KIAA0586: variants seen among roughly 807,000 people sequenced by gnomAD.
KIAA0586 encodes protein TALPID3.
In KIAA0586, 144 loss-of-function variants were observed where a neutral mutation model predicts 169.8. The ratio of observed to expected loss-of-function variants is 0.85; its 90% confidence interval spans 0.74 to 0.97. The LOEUF (loss-of-function observed/expected upper bound fraction) is 0.97, where lower values mean the gene tolerates loss of function less well. Ranked by LOEUF, KIAA0586 falls within the 50% of genes least tolerant of loss-of-function variation. The pLI, the probability that KIAA0586 is intolerant of heterozygous loss-of-function variation, is 0.00. For synonymous variants in KIAA0586, 625 were observed against 612.4 expected (o/e 1.02, Z -0.30); for missense variants, 1,854 against 1,823.0 (o/e 1.02, Z -0.31).
At chr14:58,455,940 A>G (rs959336701) in intron 9 of KIAA0586, among the ~76,000 whole-genome samples, 2 of 152,146 alleles carry the variant, frequency 1.3e-5, no homozygotes, top group Non-Finnish European at 2.9e-5. Context: ...TGGACATTTC[A>G]TTGCCTAGAT....
intron 30 of KIAA0586, 95 bp from the exon 31 acceptor site, chr14:58,547,686 C>T: frequency 2.2e-6 from 2 of 900,366 alleles, no homozygotes; most frequent in Non-Finnish European, 1.7e-6. Flanking sequence ...GAATCCGCGC[C>T]CCCCCACCCC....
the KIAA0586 span, among the ~76,000 whole-genome samples, chr14:58,560,216 G>A: frequency 6.6e-6 from 1 of 151,818 alleles, no homozygotes; most frequent in African/African-American, 2.4e-5. Flanking sequence ...GCTGGTGGGA[G>A]GGCCCAGGTG....
chr14:58,551,576 A>T (rs1364738056), downstream of KIAA0586, among the ~76,000 whole-genome samples: 2 of 152,082 alleles, frequency 1.3e-5, no homozygotes, highest in Non-Finnish European at 2.9e-5. Context: ...AGTCTGGCCA[A>T]CATGGTGAAA....
rs117652755 is a variant in KIAA0586 at position 58,470,822 on chromosome 14, T to C, written c.2553+99T>C. 0.013 allele frequency: 7,770 copies of C among 616,710 alleles called. 80 individuals carry two copies. The highest frequency in any genetic ancestry group is 0.016 in the Middle Eastern group (60 of 3,684). 38.2% of individuals were successfully genotyped at this position (616,710 alleles called of 1,614,324 possible). ...AGCCTTTTATCATAATGATAACTTATAATAATTTAGATTTTGAAGAAAAGA... is the reference window on the plus strand; with the variant it reads ...AGCCTTTTATCATAATGATAACTTACAATAATTTAGATTTTGAAGAAAAGA... On this transcript the variant is annotated intron_variant, in intron 17 of 30. Transcript: ENST00000652326.
chr14:58,515,897 TC>T lies in KIAA0586; in HGVS notation c.4429+3271del, dbSNP rs1307034330. Reference sequence around the variant, plus strand: ...CTTTCACCCTAACTATAATAAAATGTCAGATAAACTACAAAATCATTAACAT... The same window carrying T: ...CTTTCACCCTAACTATAATAAAATGTAGATAAACTACAAAATCATTAACAT... On this transcript the variant is annotated intron_variant, in intron 29 of 30. Transcript: ENST00000652326. Among the ~76,000 whole-genome samples, 427 of 152,078 alleles carry T rather than the reference TC, an allele frequency of 2.8e-3. 4 individuals carry two copies. The highest frequency in any genetic ancestry group is 9.9e-3 in the African/African-American group (409 of 41,500).
rs907814338 is a variant in KIAA0586 at position 58,466,030 on chromosome 14, G to T, written c.2254+1G>T. ...CTGATTCCTATGGCAATTCTTTTAG[G>T]TAAGAATCAACAAAATATGTGGGAT... On this transcript the variant is annotated splice_donor_variant, in intron 15 of 30. Transcript: ENST00000652326. LOFTEE classifies it high-confidence loss of function. 1.3e-6 allele frequency: 2 copies of T among 1,579,886 alleles called. No individual in the cohort carries two copies. The highest frequency in any genetic ancestry group is 2.7e-5 in the African/African-American group (2 of 73,566).
In KIAA0586 at chr14:58,429,378, C is replaced by A. The variant is rs201393625; in HGVS notation, c.215C>A (p.Thr72Asn). ...GTTTTGTTAGGTTCATCAGACTTAA[C>A]TTCTGCTAGAAATTGTTACCAGCCT... is the stretch of plus-strand genomic sequence containing the variant. Reference protein sequence around the residue: ...NGTSRGSSDLTSARNCYQPLL... With the variant: ...NGTSRGSSDLNSARNCYQPLL... The change falls in exon 2 of 31, where the codon ACT becomes AAT. Residue 72 changes from threonine to asparagine, a missense_variant. By Grantham distance (65) the Thr-to-Asn change is moderately conservative. Coordinates refer to ENST00000652326, the MANE Select transcript of KIAA0586 (RefSeq NM_001329943.3). 9.4e-6 allele frequency: 15 copies of A among 1,593,296 alleles called. No individual in the cohort carries two copies. Among genetic ancestry groups the A allele is most frequent in the Admixed American group, 1.7e-5 (1 of 59,966 alleles).
chr14:58,534,023 A>G (rs1159281379), intron 29 of KIAA0586, among the ~76,000 whole-genome samples: 3 of 152,082 alleles, frequency 2.0e-5, no homozygotes, highest in African/African-American at 4.8e-5. Flanking sequence ...TTTTGTTTCC[A>G]TATTTAGTTA....
chr14:58,467,920 C>G lies in KIAA0586; in HGVS notation c.2440C>G (p.Gln814Glu). 2 of 1,598,888 alleles carry G rather than the reference C, an allele frequency of 1.3e-6. No homozygotes were observed. Among genetic ancestry groups the G allele is most frequent in the Non-Finnish European group, 8.5e-7 (1 of 1,174,098 alleles). ...AAAGGATCCTCCTCAGCTTACTGTGCAGGTATGCCAGGGTGCATGAGTAGA... is the reference window on the plus strand; with the variant it reads ...AAAGGATCCTCCTCAGCTTACTGTGGAGGTATGCCAGGGTGCATGAGTAGA... ...EKKDPPQLTV[Q>E]VLPSVDIDSI... The change falls in exon 16 of 31, where the codon CAG (glutamine) becomes GAG (glutamate). Residue 814 changes from glutamine to glutamate, a missense_variant and splice_region_variant. Physicochemically the swap from Gln to Glu is conservative, Grantham distance 29. Transcript: ENST00000652326.
At chr14:58,434,206 A>G (rs547474692) in intron 4 of KIAA0586, among the ~76,000 whole-genome samples, 1 of 152,342 alleles carries the variant, frequency 6.6e-6, no homozygotes, top group African/African-American at 2.4e-5. Context: ...TGTTAGAAGT[A>G]AAAAGAGGAC....
In KIAA0586 at chr14:58,444,253, C is replaced by G; in HGVS notation, c.807+78C>G. 16 of 884,208 alleles carry G rather than the reference C, an allele frequency of 1.8e-5. No homozygotes were observed. In the South Asian group the frequency reaches 2.6e-4, roughly 14 times the overall value. 54.8% of individuals were successfully genotyped at this position (884,208 alleles called of 1,614,324 possible). On this transcript the variant is annotated intron_variant, in intron 6 of 30. Coordinates refer to ENST00000652326, the MANE Select transcript of KIAA0586 (RefSeq NM_001329943.3). ...CTCAGCCAGTATTCATTGATAATTA[C>G]AGTAGCTCATTAGATTGTAACAGTT... is the stretch of plus-strand genomic sequence containing the variant.
chr14:58,465,026 C>T (rs148342023), intron 14 of KIAA0586, among the ~76,000 whole-genome samples: 2,838 of 152,050 alleles, frequency 0.019, 40 homozygotes, highest in Non-Finnish European at 0.025. Context: ...GAGCTAAGAT[C>T]GCACCACTGC....
rs371672398 is a variant in KIAA0586 at position 58,539,102 on chromosome 14, CAAAT to C, written c.4430-964_4430-961del. ...GACTGTTTTTATTTTTTAGTTCCCA[CAAAT>C]AAATGAGAACCTTCAAAGTTTGTCT... On this transcript the variant is annotated intron_variant, in intron 29 of 30. Coordinates refer to ENST00000652326, the MANE Select transcript of KIAA0586 (RefSeq NM_001329943.3). 4.7e-4 allele frequency among the ~76,000 whole-genome samples: 71 copies of C among 152,172 alleles called. 1 individual carries two copies. In the East Asian group the frequency reaches 0.011, roughly 23 times the overall value.
chr14:58,487,306 TAA>T, intron 22 of KIAA0586, 140 bp downstream of exon 22: 1 of 755,496 alleles, frequency 1.3e-6, no homozygotes, highest in Non-Finnish European at 2.1e-6. Context: ...TGCGACTTCT[TAA>T]AAGTCTATAA....
chr14:58,478,030 A>G (rs577147802), intron 20 of KIAA0586, among the ~76,000 whole-genome samples: 8 of 152,106 alleles, frequency 5.3e-5, no homozygotes, highest in Non-Finnish European at 1.2e-4. Flanking sequence ...TGTTTTAATT[A>G]GAGCCAGGGT....
intron 16 of KIAA0586, among the ~76,000 whole-genome samples, chr14:58,469,720 C>T (rs142612040): frequency 6.6e-6 from 1 of 152,170 alleles, no homozygotes; most frequent in Non-Finnish European, 1.5e-5. Flanking sequence ...AAACACAGAT[C>T]CAAGTCTAGA....
intron 29 of KIAA0586, among the ~76,000 whole-genome samples, chr14:58,536,174 G>T (rs1271735660): frequency 6.6e-6 from 1 of 151,948 alleles, no homozygotes. Context: ...TTATTGCATG[G>T]ATATATTGGT....
Position 58,430,713 on chromosome 14 carries a change from A to G in KIAA0586, c.336A>G (p.Gln112=). 1 of 1,564,696 alleles carries G rather than the reference A, an allele frequency of 6.4e-7. No individual in the cohort carries two copies. Among genetic ancestry groups the G allele is most frequent in the Non-Finnish European group, 8.8e-7 (1 of 1,139,920 alleles). The part of the protein sequence containing the change: ...PLDKIEENNK[Q]KANDIFISQY... The stretch of plus-strand genomic sequence containing the variant: ...ATAAAATAGAAGAGAACAACAAGCA[A>G]AAAGGTAAAAGAATAATATTGATTT... Residue 112 remains glutamine, a synonymous_variant, in exon 3 of 31, where the codon CAA becomes CAG. Transcript: ENST00000652326.
chr14:58,522,980 A>T (rs1463594065), intron 29 of KIAA0586, among the ~76,000 whole-genome samples: 1 of 152,132 alleles, frequency 6.6e-6, no homozygotes, highest in Admixed American at 6.5e-5. Flanking sequence ...AACTGTTCCA[A>T]TGTGAAAGGA....
Sources: allele counts gnomAD v4.1 joint callset (sites outside exome capture counted in the v4.1 genomes callset), GRCh38; gene constraint gnomAD v4.1.1; transcripts MANE v1.5; gene names NCBI Gene and HGNC (gene_info 2026-07-23, HGNC 2026-07-21).